Variants in LRRFIP2 observed in about 807,000 individuals in gnomAD.
The protein encoded by LRRFIP2 is leucine-rich repeat flightless-interacting protein 2.
In LRRFIP2, 109 loss-of-function variants were observed where a neutral mutation model predicts 125.9. The observed-to-expected ratio is 0.87, with a 90% CI of 0.74 to 1.01. The LOEUF (loss-of-function observed/expected upper bound fraction) is 1.01, where lower values mean the gene tolerates loss of function less well. LRRFIP2 is among the 50% of genes least tolerant of loss of function. The probability of loss-of-function intolerance (pLI) is 0.00; values close to 1 mark genes in which losing one functional copy is unlikely to be tolerated. For synonymous variants in LRRFIP2, 291 were observed against 293.1 expected (o/e 0.99, Z 0.07); for missense variants, 850 against 862.3 (o/e 0.99, Z 0.18).
chr3:37,104,806 T>A (rs1272705501), intron 14 of LRRFIP2, among the ~76,000 whole-genome samples: 1 of 152,196 alleles, frequency 6.6e-6, no homozygotes, highest in African/African-American at 2.4e-5. Flanking sequence ...CTAGAATTTT[T>A]AAATTTTGTC....
intron 1 of LRRFIP2, 80 bp from the exon 2 acceptor site, chr3:37,149,118 G>A (rs2095939006): frequency 5.9e-6 from 7 of 1,195,522 alleles, no homozygotes; most frequent in African/African-American, 1.5e-5. Flanking sequence ...ACTTTTAACA[G>A]AGAAATTAGT....
chr3:37,094,087 A>G (rs1489112307), intron 17 of LRRFIP2, among the ~76,000 whole-genome samples: 1 of 152,124 alleles, frequency 6.6e-6, no homozygotes, highest in African/African-American at 2.4e-5. Context: ...GGTTTGTATC[A>G]GTTTGTCTTC....
At chr3:37,057,646 T>C (rs770499648) in intron 25 of LRRFIP2, among the ~76,000 whole-genome samples, 8 of 151,976 alleles carry the variant, frequency 5.3e-5, no homozygotes, top group South Asian at 2.1e-4. Flanking sequence ...GGATTATGGG[T>C]GCGGGCCACC....
chr3:37,087,927 T>A (rs1438176176), intron 18 of LRRFIP2, among the ~76,000 whole-genome samples: 1 of 152,082 alleles, frequency 6.6e-6, no homozygotes, highest in Non-Finnish European at 1.5e-5. Flanking sequence ...AAAGTGTGGG[T>A]TCCAGATCAG....
At chr3:37,082,333 T>G (rs1474550245) in intron 19 of LRRFIP2, among the ~76,000 whole-genome samples, 1 of 152,182 alleles carries the variant, frequency 6.6e-6, no homozygotes, top group African/African-American at 2.4e-5. Context: ...GAAGCCTCTT[T>G]TTCACCATCT....
At position 37,072,865 on chromosome 3, in the gene LRRFIP2, C is replaced by T; in HGVS notation, c.1389G>A (p.Gln463=). ...DELIEEKQRM[Q]QKIDTMTKEV... ...CTTTTGTCATGGTGTCTATTTTCTG[C>T]TGCATGCGCTGCTTCTCCTGCAGAG... is the stretch of plus-strand genomic sequence containing the variant. Residue 463 remains glutamine, a synonymous_variant, in exon 21 of 28, where the codon CAG becomes CAA. Coordinates refer to ENST00000336686, the MANE Select transcript of LRRFIP2 (RefSeq NM_006309.4). 1 of 1,611,314 alleles carries T rather than the reference C, an allele frequency of 6.2e-7. No homozygotes were observed. Among genetic ancestry groups the T allele is most frequent in the Non-Finnish European group, 8.5e-7 (1 of 1,178,274 alleles).
Position 37,148,915 on chromosome 3 carries a change from A to C in LRRFIP2, c.69T>G (p.Ala23=). The C allele has an allele frequency of 6.2e-7, 1 of 1,614,088 alleles. No individual in the cohort carries two copies. The highest frequency in any genetic ancestry group is 8.5e-7 in the Non-Finnish European group (1 of 1,179,978). The change falls in exon 2 of 28, where the codon GCT becomes GCG. Residue 23 remains alanine, a synonymous_variant. Coordinates refer to ENST00000336686, the MANE Select transcript of LRRFIP2 (RefSeq NM_006309.4). ...ATACCTCTCTGGCAATGTTACTCAAAGCTTCATCTTCTGCAGAAAATCGGT... is the reference window on the plus strand; with the variant it reads ...ATACCTCTCTGGCAATGTTACTCAACGCTTCATCTTCTGCAGAAAATCGGT... ...VKDRFSAEDE[A]LSNIAREAEA...
chr3:37,140,094 T>C (rs1371847075), intron 2 of LRRFIP2, among the ~76,000 whole-genome samples: 1 of 152,224 alleles, frequency 6.6e-6, no homozygotes. Flanking sequence ...AATACTAGTG[T>C]CTCCTGGTTT....
chr3:37,093,955 T>A (rs1293961699), intron 17 of LRRFIP2, among the ~76,000 whole-genome samples: 7 of 152,256 alleles, frequency 4.6e-5, no homozygotes, highest in Non-Finnish European at 1.0e-4. Context: ...GCTCAGAGTT[T>A]GTCTTTTCTG....
intron 15 of LRRFIP2, among the ~76,000 whole-genome samples, chr3:37,100,367 C>T (rs568196990): frequency 7.0e-6 from 1 of 143,294 alleles, no homozygotes; most frequent in South Asian, 2.1e-4. Context: ...TATACACATA[C>T]ATACATACAT....
At chr3:37,135,141 T>TG in intron 2 of LRRFIP2, 14 of 1,189,602 alleles carry the variant, frequency 1.2e-5, no homozygotes, top group Non-Finnish European at 1.7e-5. Context: ...GCATTATAGC[T>TG]GGAATAAACT....
At chr3:37,083,954 T>C (rs2092841976) in intron 18 of LRRFIP2, 148 bp from the exon 19 acceptor site, 3 of 569,554 alleles carry the variant, frequency 5.3e-6, no homozygotes, top group Admixed American at 4.1e-5. Flanking sequence ...TTTAGTAACA[T>C]GCATGTGAAA....
In LRRFIP2 at chr3:37,053,764, A is replaced by G. The variant is rs1011300629; in HGVS notation, c.*87T>C. The G allele has an allele frequency of 8.6e-6, 7 of 813,222 alleles. No individual in the cohort carries two copies. In the African/African-American group the frequency reaches 1.0e-4, roughly 12 times the overall value. 50.4% of individuals were successfully genotyped at this position (813,222 alleles called of 1,614,324 possible). A position where few individuals can be genotyped will look rare whatever the true frequency, so the allele number is the denominator to read the frequency against. On this transcript the variant is annotated 3_prime_UTR_variant, in exon 28 of 28. Coordinates refer to ENST00000336686, the MANE Select transcript of LRRFIP2 (RefSeq NM_006309.4). The stretch of plus-strand genomic sequence containing the variant: ...TTTTAATGACAAAACTCAAAACAGT[A>G]CTAAAAGGGGTTTGTGTCAATGGAC...
In LRRFIP2 at chr3:37,092,042, C is replaced by T. The variant is rs73057436; in HGVS notation, c.1036-504G>A. Among the ~76,000 whole-genome samples the T allele has an allele frequency of 7.8e-3, 1,190 of 151,926 alleles. 14 individuals are homozygous for T. The highest frequency in any genetic ancestry group is 0.026 in the African/African-American group (1,066 of 41,426). On this transcript the variant is annotated intron_variant, in intron 17 of 27. Coordinates refer to ENST00000336686, the MANE Select transcript of LRRFIP2 (RefSeq NM_006309.4). The stretch of plus-strand genomic sequence containing the variant: ...TTTCTTTCAATGACTTGGTTACTGG[C>T]CACAATTAACTTGAGAGAAAGGGAG...
chr3:37,155,565 G>A (rs1481300824), intron 1 of LRRFIP2, among the ~76,000 whole-genome samples: 5 of 152,198 alleles, frequency 3.3e-5, no homozygotes, highest in African/African-American at 1.2e-4. Flanking sequence ...TTTTGGGAGT[G>A]CAGCCTTACA....
At chr3:37,114,376 A>G (rs796196470) in intron 7 of LRRFIP2, among the ~76,000 whole-genome samples, 13 of 152,346 alleles carry the variant, frequency 8.5e-5, no homozygotes, top group African/African-American at 3.1e-4. Flanking sequence ...GCTTTGTGAC[A>G]TATGACATAA....
At chr3:37,158,920 G>A (rs1476782991) in intron 1 of LRRFIP2, among the ~76,000 whole-genome samples, 2 of 152,088 alleles carry the variant, frequency 1.3e-5, no homozygotes, top group African/African-American at 4.8e-5. Flanking sequence ...CTTCTCAGTA[G>A]GCAAAAGAGA....
At chr3:37,145,863 C>A (rs552388282) in intron 2 of LRRFIP2, among the ~76,000 whole-genome samples, 26 of 152,276 alleles carry the variant, frequency 1.7e-4, no homozygotes, top group African/African-American at 4.6e-4. Flanking sequence ...TTCCTAGCTA[C>A]GTAACCTTGG....
chr3:37,104,641 T>G (rs1210705344), intron 14 of LRRFIP2, among the ~76,000 whole-genome samples: 1 of 152,252 alleles, frequency 6.6e-6, no homozygotes. Flanking sequence ...CGGAACAATG[T>G]ATTTTCCAAA....
Sources: allele counts gnomAD v4.1 joint callset (sites outside exome capture counted in the v4.1 genomes callset), GRCh38; gene constraint gnomAD v4.1.1; transcripts MANE v1.5; gene names NCBI Gene and HGNC (gene_info 2026-07-23, HGNC 2026-07-21).